SYNPO2: variants seen among roughly 807,000 people sequenced by gnomAD.
The protein encoded by SYNPO2 is synaptopodin 2.
Under a neutral mutation model 85.0 loss-of-function variants are expected in SYNPO2, and 56 were observed. That is an observed-to-expected ratio of 0.66 (90% CI 0.53 to 0.82). The LOEUF (loss-of-function observed/expected upper bound fraction) is 0.82, where lower values mean the gene tolerates loss of function less well. Ranked by LOEUF, SYNPO2 falls within the 40% of genes least tolerant of loss-of-function variation. The pLI, the probability that SYNPO2 is intolerant of heterozygous loss-of-function variation, is 0.00. For missense variants in SYNPO2, 1,575 were observed against 1,534.2 expected, an observed-to-expected ratio of 1.03 and a Z score of -0.44; for synonymous variants, 602 against 591.1, an observed-to-expected ratio of 1.02 and a Z score of -0.27.
intron 1 of SYNPO2, among the ~76,000 whole-genome samples, chr4:118,858,152 C>A (rs757111870): frequency 1.3e-5 from 2 of 152,160 alleles, no homozygotes; most frequent in African/African-American, 2.4e-5. Context: ...CTGCCTGGCC[C>A]TAGATGGTGA....
chr4:118,951,158 C>A (rs1207847126), intron 1 of SYNPO2, among the ~76,000 whole-genome samples: 3 of 152,100 alleles, frequency 2.0e-5, no homozygotes, highest in African/African-American at 7.2e-5. Flanking sequence ...CTTTCTATTA[C>A]CACAGATCTT....
chr4:118,921,784 C>T (rs1008147335), intron 1 of SYNPO2, among the ~76,000 whole-genome samples: 1 of 151,528 alleles, frequency 6.6e-6, no homozygotes, highest in Non-Finnish European at 1.5e-5. Flanking sequence ...CATATGCACA[C>T]ACACACACAC....
intron 1 of SYNPO2, among the ~76,000 whole-genome samples, chr4:118,889,891 G>T (rs1732305554): frequency 6.6e-6 from 1 of 152,128 alleles, no homozygotes; most frequent in Non-Finnish European, 1.5e-5. Flanking sequence ...AGCCCAAGGG[G>T]ATCTGGTATT....
rs779290730 is a variant in SYNPO2 at position 119,030,665 on chromosome 4, C to T, written c.1890C>T (p.Asp630=). The T allele has an allele frequency of 5.5e-5, 88 of 1,614,074 alleles. No homozygotes were observed. In the South Asian group the frequency reaches 9.0e-4, roughly 17 times the overall value. Residue 630 remains aspartate, a synonymous_variant, in exon 4 of 5, where the codon GAC becomes GAT. Transcript: ENST00000307142. The part of the protein sequence containing the change: ...PPYSAVTPPP[D]AFSRGVSSPI... ...ACTCTGCAGTCACTCCTCCCCCTGACGCCTTCTCCAGAGGGGTTTCAAGTC... is the reference window on the plus strand; with the variant it reads ...ACTCTGCAGTCACTCCTCCCCCTGATGCCTTCTCCAGAGGGGTTTCAAGTC...
At chr4:118,981,452 C>T (rs1736004879) in intron 1 of SYNPO2, among the ~76,000 whole-genome samples, 3 of 152,166 alleles carry the variant, frequency 2.0e-5, no homozygotes, top group Admixed American at 2.0e-4. Context: ...CAATACCCTC[C>T]TCCGTGCAAC....
chr4:118,927,001 G>C (rs1446136735), intron 1 of SYNPO2, among the ~76,000 whole-genome samples: 1 of 152,128 alleles, frequency 6.6e-6, no homozygotes, highest in African/African-American at 2.4e-5. Context: ...GGGCACCCCT[G>C]CTCATCAATT....
chr4:119,026,858 C>G lies in SYNPO2; in HGVS notation c.489C>G (p.Ser163Arg). Residue 163 changes from serine (S) to arginine (R), a missense_variant, in exon 3 of 5, where the codon AGC (serine) becomes AGG (arginine). By Grantham distance (110) the Ser-to-Arg change is moderately radical (BLOSUM62 -1). This residue lies in a region of SYNPO2 where 1,508 missense variants were observed against 1,446.8 expected (regional missense o/e 1.04). Transcript: ENST00000307142. The part of the protein sequence containing the change: ...AGSLKEETGP[S>R]YQRAPQMPDS... ...GCTTGAAAGAAGAAACAGGCCCGAGCTACCAAAGGGCTCCCCAAATGCCTG... is the reference window on the plus strand; with the variant it reads ...GCTTGAAAGAAGAAACAGGCCCGAGGTACCAAAGGGCTCCCCAAATGCCTG... 1 of 1,614,096 alleles carries G rather than the reference C, an allele frequency of 6.2e-7. No individual in the cohort carries two copies. Among genetic ancestry groups the G allele is most frequent in the African/African-American group, 1.3e-5 (1 of 75,026 alleles).
intron 1 of SYNPO2, among the ~76,000 whole-genome samples, chr4:118,867,903 G>C (rs563061952): frequency 2.0e-5 from 3 of 152,048 alleles, no homozygotes; most frequent in African/African-American, 7.2e-5. Context: ...AGTAAAATCA[G>C]TTTCAATGAT....
chr4:119,040,274 C>A (rs17050139), intron 4 of SYNPO2, among the ~76,000 whole-genome samples: 4,411 of 152,242 alleles, frequency 0.029, 166 homozygotes, highest in African/African-American at 0.087. Context: ...ATATGAATCC[C>A]AGTTTGAGAC....
At chr4:119,044,904 G>T (rs1319869645) in intron 4 of SYNPO2, among the ~76,000 whole-genome samples, 1 of 152,190 alleles carries the variant, frequency 6.6e-6, no homozygotes, top group Non-Finnish European at 1.5e-5. Context: ...TATAGTTGCT[G>T]TGTCTTCGTC....
intron 1 of SYNPO2, among the ~76,000 whole-genome samples, chr4:118,915,011 C>A (rs75194235): frequency 6.9e-6 from 1 of 144,902 alleles, no homozygotes; most frequent in Non-Finnish European, 1.5e-5. Flanking sequence ...AAAAGTTCTA[C>A]AAAAAAAAAA....
intron 1 of SYNPO2, among the ~76,000 whole-genome samples, chr4:119,011,842 T>C (rs956915920): frequency 6.6e-6 from 1 of 151,942 alleles, no homozygotes; most frequent in Non-Finnish European, 1.5e-5. Context: ...GGAAGCTAAA[T>C]GGGAGCTATT....
At chr4:118,869,427 C>T (rs879288048) in intron 1 of SYNPO2, among the ~76,000 whole-genome samples, 2 of 152,144 alleles carry the variant, frequency 1.3e-5, no homozygotes, top group Non-Finnish European at 2.9e-5. Flanking sequence ...ACGTTGAAAT[C>T]TGGAAATATA....
chr4:118,974,769 T>C (rs1735660279), intron 1 of SYNPO2, among the ~76,000 whole-genome samples: 1 of 152,232 alleles, frequency 6.6e-6, no homozygotes, highest in Non-Finnish European at 1.5e-5. Flanking sequence ...TCTGCTTCTC[T>C]ACATACCCTA....
intron 1 of SYNPO2, among the ~76,000 whole-genome samples, chr4:118,953,286 A>G (rs1734756760): frequency 6.6e-6 from 1 of 152,228 alleles, no homozygotes; most frequent in South Asian, 2.1e-4. Context: ...TTTAATGAGC[A>G]CACCATTGTT....
chr4:119,033,693 T>A (rs1738377694), intron 4 of SYNPO2: 1 of 985,292 alleles, frequency 1.0e-6, no homozygotes, highest in Admixed American at 6.1e-5. Context: ...CAATCTGCTA[T>A]ATTTTTCACT....
intron 1 of SYNPO2, among the ~76,000 whole-genome samples, chr4:119,007,290 A>ATG (rs1737114367): frequency 9.5e-5 from 8 of 84,072 alleles, no homozygotes; most frequent in Admixed American, 2.5e-4. Context: ...ATACATATAT[A>ATG]TATATATGTA....
chr4:119,035,927 C>G, intron 4 of SYNPO2: 1 of 985,162 alleles, frequency 1.0e-6, no homozygotes, highest in Non-Finnish European at 1.2e-6. Flanking sequence ...GAAGGTCATT[C>G]GGCTGCTAAG....
intron 1 of SYNPO2, among the ~76,000 whole-genome samples, chr4:118,861,009 T>G (rs1230061155): frequency 6.6e-6 from 1 of 152,242 alleles, no homozygotes; most frequent in African/African-American, 2.4e-5. Context: ...GACTGTTTCC[T>G]TTGCTGTGCA....
Sources: allele counts gnomAD v4.1 joint callset (sites outside exome capture counted in the v4.1 genomes callset), GRCh38; gene constraint gnomAD v4.1.1; regional missense constraint gnomAD v4.1.1; transcripts MANE v1.5; gene names NCBI Gene and HGNC (gene_info 2026-07-23, HGNC 2026-07-21).